NR3C2: variants seen among roughly 807,000 people sequenced by gnomAD.
NR3C2 encodes the protein nuclear receptor subfamily 3 group C member 2.
A neutral mutation model predicts 86.4 loss-of-function variants in NR3C2; 15 were observed. That is an observed-to-expected ratio of 0.17 (90% CI 0.12 to 0.27). NR3C2 has a LOEUF of 0.27. NR3C2 is among the 10% of genes least tolerant of loss of function. NR3C2 has a pLI of 1.00. For synonymous variants in NR3C2, 458 were observed against 450.5 expected, an observed-to-expected ratio of 1.02 and a Z score of -0.21; for missense variants, 960 against 1,195.6, an observed-to-expected ratio of 0.80 and a Z score of 2.91.
At chr4:148,130,819 G>GTTTTT (rs376180676) in intron 6 of NR3C2, among the ~76,000 whole-genome samples, 15 of 108,900 alleles carry the variant, frequency 1.4e-4, no homozygotes, top group East Asian at 4.9e-4. Context: ...GTTTTGTTTT[G>GTTTTT]TTTTTTTTTT....
At chr4:148,140,548 A>T (rs372546572) in intron 6 of NR3C2, among the ~76,000 whole-genome samples, 2 of 152,168 alleles carry the variant, frequency 1.3e-5, no homozygotes, top group South Asian at 4.1e-4. Flanking sequence ...AAAAAAAGAA[A>T]GAAATTTGCT....
intron 2 of NR3C2, among the ~76,000 whole-genome samples, chr4:148,355,791 C>G (rs1266485215): frequency 6.6e-6 from 1 of 152,172 alleles, no homozygotes; most frequent in Non-Finnish European, 1.5e-5. Context: ...TTAACAATAA[C>G]ACTTCGCATA....
chr4:148,198,843 G>A (rs1285740220), intron 3 of NR3C2, among the ~76,000 whole-genome samples: 1 of 151,886 alleles, frequency 6.6e-6, no homozygotes, highest in African/African-American at 2.4e-5. Flanking sequence ...CACTTTGGGA[G>A]GCCGAGGTGG....
chr4:148,336,800 TC>T (rs1371490404), intron 2 of NR3C2, among the ~76,000 whole-genome samples: 9 of 152,340 alleles, frequency 5.9e-5, no homozygotes, highest in Admixed American at 1.3e-4. Flanking sequence ...TTTGTTTTTT[TC>T]TTTTTCTTTG....
At chr4:148,417,055 G>C (rs1749048465) in intron 2 of NR3C2, among the ~76,000 whole-genome samples, 1 of 152,166 alleles carries the variant, frequency 6.6e-6, no homozygotes, top group African/African-American at 2.4e-5. Context: ...GGGATTACAG[G>C]CGTGAGCCAC....
Position 148,130,819 on chromosome 4 carries a change from GTTTTTTTTTT to G in NR3C2, c.2511-10541_2511-10532del, listed in dbSNP as rs376180676. 3.8e-4 allele frequency among the ~76,000 whole-genome samples: 41 copies of G among 108,896 alleles called. 1 individual carries two copies. The highest frequency in any genetic ancestry group is 2.9e-3 in the Admixed American group (28 of 9,638). The allele number at this position is 108,896 out of a possible 152,430, so 71.4% of individuals were successfully genotyped here. On this transcript the variant is annotated intron_variant, in intron 6 of 8. Transcript: ENST00000358102. ...TTTTTGTTTTGTTTTGTTTTGTTTT[GTTTTTTTTTT>G]TTTTTTTTTTTTGAGACAGAGTCTC...
chr4:148,416,461 A>T (rs1288727416), intron 2 of NR3C2, among the ~76,000 whole-genome samples: 4 of 152,218 alleles, frequency 2.6e-5, no homozygotes, highest in Admixed American at 1.3e-4. Flanking sequence ...AGGCACCAAA[A>T]GGTTAATAAA....
intron 3 of NR3C2, among the ~76,000 whole-genome samples, chr4:148,205,800 C>A (rs1736974097): frequency 1.3e-5 from 2 of 152,194 alleles, no homozygotes; most frequent in South Asian, 4.2e-4. Context: ...GAAGAAATAA[C>A]AATAGATTTG....
intron 8 of NR3C2, among the ~76,000 whole-genome samples, chr4:148,088,458 AC>A (rs1410017956): frequency 2.0e-5 from 3 of 152,204 alleles, no homozygotes; most frequent in African/African-American, 7.2e-5. Context: ...AAGACTTGGA[AC>A]CAACCCAAAT....
intron 3 of NR3C2, among the ~76,000 whole-genome samples, chr4:148,255,934 T>C (rs575811608): frequency 6.6e-6 from 1 of 152,354 alleles, no homozygotes; most frequent in Non-Finnish European, 1.5e-5. Flanking sequence ...CCAACCTTGA[T>C]TGCTCTTATG....
chr4:148,246,843 C>T (rs973927627), intron 3 of NR3C2, among the ~76,000 whole-genome samples: 2 of 152,118 alleles, frequency 1.3e-5, no homozygotes, highest in Admixed American at 6.5e-5. Context: ...CATGAGCCAC[C>T]GTGCCTGGCC....
chr4:148,442,798 C>T (rs1221394234), upstream of NR3C2: 1 of 985,306 alleles, frequency 1.0e-6, no homozygotes, highest in Non-Finnish European at 1.2e-6. Flanking sequence ...GCTGCCCCCA[C>T]CCCCATCGCT....
chr4:148,353,413 G>T (rs573472051), intron 2 of NR3C2, among the ~76,000 whole-genome samples: 2 of 151,898 alleles, frequency 1.3e-5, no homozygotes, highest in South Asian at 2.1e-4. Context: ...GTTTAAATAC[G>T]TCAATATAAT....
At chr4:148,139,525 G>A (rs1260294111) in intron 6 of NR3C2, among the ~76,000 whole-genome samples, 1 of 152,184 alleles carries the variant, frequency 6.6e-6, no homozygotes, top group African/African-American at 2.4e-5. Context: ...TGGACAGGAA[G>A]TGGGGAAGTT....
chr4:148,215,977 A>G (rs1737515821), intron 3 of NR3C2, among the ~76,000 whole-genome samples: 1 of 151,836 alleles, frequency 6.6e-6, no homozygotes. Context: ...TTTAGTAGAG[A>G]TGGGATTTCA....
chr4:148,266,737 C>T (rs1740414954), intron 2 of NR3C2, among the ~76,000 whole-genome samples: 1 of 152,106 alleles, frequency 6.6e-6, no homozygotes, highest in African/African-American at 2.4e-5. Context: ...GAATGGACTG[C>T]AGAAGTCGGT....
At chr4:148,114,009 C>A in intron 8 of NR3C2, 95 bp downstream of exon 8, 1 of 1,443,080 alleles carries the variant, frequency 6.9e-7, no homozygotes, top group Non-Finnish European at 9.6e-7. Context: ...TCTAGCATGA[C>A]ACCCTGAAAA....
intron 2 of NR3C2, among the ~76,000 whole-genome samples, chr4:148,351,425 G>A (rs1336636090): frequency 6.6e-6 from 1 of 152,172 alleles, no homozygotes; most frequent in African/African-American, 2.4e-5. Context: ...TTACAGGTGT[G>A]AGCCACCGCA....
Position 148,185,904 on chromosome 4 carries a change from AT to A in NR3C2, c.2014+8841del, listed in dbSNP as rs1735868350. Among the ~76,000 whole-genome samples the A allele has an allele frequency of 1.3e-5, 2 of 152,212 alleles. 1 individual carries two copies. Among genetic ancestry groups the A allele is most frequent in the South Asian group, 4.1e-4 (2 of 4,834 alleles). ...GATGAATATTTAATAAATTTCTGAT[AT>A]TTAACAACACCACAATGAGTATTTA... On this transcript the variant is annotated intron_variant, in intron 4 of 8. Coordinates refer to ENST00000358102, the MANE Select transcript of NR3C2 (RefSeq NM_000901.5).
Sources: allele counts gnomAD v4.1 joint callset (sites outside exome capture counted in the v4.1 genomes callset), GRCh38; gene constraint gnomAD v4.1.1; transcripts MANE v1.5; gene names NCBI Gene and HGNC (gene_info 2026-07-23, HGNC 2026-07-21).